SRSF7: variants seen among roughly 807,000 people sequenced by gnomAD.
SRSF7 encodes the protein serine and arginine rich splicing factor 7.
Under a neutral mutation model 42.2 loss-of-function variants are expected in SRSF7, and 15 were observed. The ratio of observed to expected loss-of-function variants is 0.36; its 90% CI spans 0.24 to 0.55. The LOEUF is 0.55. Among genes scored for constraint, SRSF7 ranks in the 20% least tolerant of loss-of-function variants. The pLI is 0.88. For missense variants in SRSF7, 181 were observed against 305.9 expected (o/e 0.59, Z 3.04); for synonymous variants, 138 against 107.9 (o/e 1.28, Z -1.73).
intron 4 of SRSF7, 64 bp downstream of exon 4, chr2:38,748,513 TTC>T: frequency 6.5e-7 from 1 of 1,530,264 alleles, no homozygotes; most frequent in Non-Finnish European, 9.0e-7. Flanking sequence ...AATGAGCTTT[TTC>T]TGTGTTGGAC....
chr2:38,751,099 C>T (rs1003394720), intron 1 of SRSF7, 130 bp downstream of exon 1: 119 of 1,241,736 alleles, frequency 9.6e-5, no homozygotes, highest in Non-Finnish European at 1.3e-4. Flanking sequence ...CCTCCGGCTT[C>T]GTCTGGCGTG....
Position 38,744,867 on chromosome 2 carries a change from T to C in SRSF7, c.*266A>G. The C allele has an allele frequency of 1.4e-5, 6 of 415,720 alleles. No individual in the cohort carries two copies. In the East Asian group the frequency reaches 2.0e-4, roughly 14 times the overall value. 25.8% of individuals were successfully genotyped at this position (415,720 alleles called of 1,614,324 possible). A position where few individuals can be genotyped will look rare whatever the true frequency, so the allele number is the denominator to read the frequency against. ...CTCTCAAATATATCAAATTAAGAAG[T>C]GTTAATATTGAACACAAATCAAAAA... On this transcript the variant is annotated 3_prime_UTR_variant, in exon 8 of 8. Transcript: ENST00000313117.
chr2:38,745,096 C>A lies in SRSF7; in HGVS notation c.*37G>T. 1 of 1,609,028 alleles carries A rather than the reference C, an allele frequency of 6.2e-7. No homozygotes were observed. Among genetic ancestry groups the A allele is most frequent in the Non-Finnish European group, 8.5e-7 (1 of 1,175,954 alleles). Reference sequence around the variant, plus strand: ...CACAAATCCCTTATAATAATGTAAACAAAATAACTTTTCCCTAAAGGGTGA... The same window carrying A: ...CACAAATCCCTTATAATAATGTAAAAAAAATAACTTTTCCCTAAAGGGTGA... On this transcript the variant is annotated 3_prime_UTR_variant, in exon 8 of 8. Coordinates refer to ENST00000313117, the MANE Select transcript of SRSF7 (RefSeq NM_001031684.3).
intron 1 of SRSF7, 70 bp downstream of exon 1, chr2:38,751,158 CG>C: frequency 6.3e-7 from 1 of 1,598,712 alleles, no homozygotes; most frequent in Non-Finnish European, 8.6e-7. Flanking sequence ...CCAACCTCCG[CG>C]ACAACCCTAC....
intron 4 of SRSF7, 127 bp from the exon 5 acceptor site, chr2:38,748,284 C>T: frequency 1.3e-6 from 1 of 741,142 alleles, no homozygotes; most frequent in Non-Finnish European, 2.2e-6. Context: ...TCGTTTGAGC[C>T]CAGGAGCTTG....
At chr2:38,750,665 C>T (rs1305076745) in intron 1 of SRSF7, among the ~76,000 whole-genome samples, 1 of 149,516 alleles carries the variant, frequency 6.7e-6, no homozygotes, top group Admixed American at 6.7e-5. Context: ...CTCCCCGCCC[C>T]AGAGCCATAA....
At position 38,751,242 on chromosome 2, in the gene SRSF7, C is replaced by T; in HGVS notation, c.15G>A (p.Gly5=). The change falls in exon 1 of 8, where the codon GGG becomes GGA. Residue 5 remains glycine, a synonymous_variant. Transcript: ENST00000313117. ...CCAGCTTCTTACCTCCTCCGTACCG[C>T]CCGTAACGCGACATGATGACAGACC... MSRY[G]RYGGETKVYV... 1.9e-6 allele frequency: 3 copies of T among 1,614,178 alleles called. No individual in the cohort carries two copies. The highest frequency in any genetic ancestry group is 2.5e-6 in the Non-Finnish European group (3 of 1,180,014).
chr2:38,749,761 G>C (rs575269019), intron 2 of SRSF7, 56 bp from the exon 3 acceptor site: 4 of 1,451,214 alleles, frequency 2.8e-6, no homozygotes, highest in East Asian at 2.5e-5. Context: ...AGGACTTATA[G>C]ATTTAAAAAG....
intron 7 of SRSF7, among the ~76,000 whole-genome samples, chr2:38,745,638 G>A (rs947938464): frequency 6.6e-6 from 1 of 151,424 alleles, no homozygotes. Flanking sequence ...CCTGGGGACA[G>A]AGCGAAAACT....
At chr2:38,749,357 T>G in intron 3 of SRSF7, 172 bp downstream of exon 3, 9 of 1,539,830 alleles carry the variant, frequency 5.8e-6, no homozygotes, top group Non-Finnish European at 7.0e-6. Flanking sequence ...CTGAAAGGTT[T>G]TGACCAGGTT....
Position 38,743,743 on chromosome 2 carries a change from A to G in SRSF7, c.*1390T>C. 51 of 152,780 alleles carry G rather than the reference A, an allele frequency of 3.3e-4. No homozygotes were observed. The highest frequency in any genetic ancestry group is 3.4e-3 in the Middle Eastern group (1 of 294). The allele number at this position is 152,780 out of a possible 1,614,324, so 9.5% of individuals were successfully genotyped here. On this transcript the variant is annotated 3_prime_UTR_variant, in exon 8 of 8. Transcript: ENST00000313117. ...ATACCAACCATAATTCAGCCAGTCA[A>G]AATTCCAAAAACAATCCAAATAACT...
chr2:38,745,972 A>G (rs1395924904), intron 7 of SRSF7, among the ~76,000 whole-genome samples, 172 bp downstream of exon 7: 2 of 152,202 alleles, frequency 1.3e-5, no homozygotes, highest in African/African-American at 2.4e-5. Context: ...CAAAAGTATA[A>G]ACTAATGTTA....
chr2:38,746,410 CA>C (rs1437222913), intron 6 of SRSF7, among the ~76,000 whole-genome samples: 3 of 152,186 alleles, frequency 2.0e-5, no homozygotes, highest in Non-Finnish European at 4.4e-5. Context: ...CTGCTTTAAG[CA>C]CATCGATTTC....
In SRSF7 at chr2:38,746,723, T is replaced by C; in HGVS notation, c.597A>G (p.Arg199=). Residue 199 remains arginine (R), a synonymous_variant, in exon 6 of 8, where the codon AGA becomes AGG. Transcript: ENST00000313117. ...TTCTTGGTCGTGAAATAGACCTGGA[T>C]CTTGATCTTGACCTCGACGGGGATC... ...YFQSPSRSRS[R]SRSISRPRSS... The C allele has an allele frequency of 6.2e-7, 1 of 1,613,916 alleles. No homozygotes were observed. Among genetic ancestry groups the C allele is most frequent in the East Asian group, 2.2e-5 (1 of 44,872 alleles).
chr2:38,746,120 T>G, intron 7 of SRSF7, 24 bp downstream of exon 7: 1 of 1,614,030 alleles, frequency 6.2e-7, no homozygotes, highest in Non-Finnish European at 8.5e-7. Context: ...CAGGCAAGAT[T>G]TGGCAACAAA....
chr2:38,750,612 TC>T (rs1668174006), intron 1 of SRSF7, among the ~76,000 whole-genome samples: 1 of 151,808 alleles, frequency 6.6e-6, no homozygotes, highest in African/African-American at 2.4e-5. Flanking sequence ...GCTCTCGTCC[TC>T]CGCGGCAAAC....
chr2:38,749,075 A>T, intron 3 of SRSF7: 3 of 1,307,666 alleles, frequency 2.3e-6, no homozygotes, highest in Non-Finnish European at 2.0e-6. Context: ...TCTAGTTGGG[A>T]ATGTGGTCAA....
chr2:38,751,212 G>T lies in SRSF7; in HGVS notation c.28+17C>A, dbSNP rs764786189. ...TACACCCACACCAACGTCCCTCACCGGACTCCAGCTTCTTACCTCCTCCGT... is the reference window on the plus strand; with the variant it reads ...TACACCCACACCAACGTCCCTCACCTGACTCCAGCTTCTTACCTCCTCCGT... On this transcript the variant is annotated intron_variant, in intron 1 of 7. Transcript: ENST00000313117. 7 of 1,613,934 alleles carry T rather than the reference G, an allele frequency of 4.3e-6. No homozygotes were observed. Among genetic ancestry groups the T allele is most frequent in the South Asian group, 1.1e-5 (1 of 91,068 alleles).
At chr2:38,746,111 A>G in intron 7 of SRSF7, 33 bp downstream of exon 7, 1 of 1,613,370 alleles carries the variant, frequency 6.2e-7, no homozygotes, top group East Asian at 2.2e-5. Flanking sequence ...CACACTTGAC[A>G]GGCAAGATTT....
Sources: gnomAD v4.1 joint callset for allele counts (sites outside exome capture counted in the v4.1 genomes callset) on GRCh38, gnomAD v4.1.1 for gene constraint, MANE v1.5 for transcripts, NCBI Gene and HGNC (gene_info 2026-07-23, HGNC 2026-07-21) for gene names.